TMCC3: variants seen among roughly 807,000 people sequenced by gnomAD.
TMCC3 encodes transmembrane and coiled-coil domain family 3, also known as transmembrane and coiled-coil domain protein 3.
Under a neutral mutation model 40.2 loss-of-function variants are expected in TMCC3, and 28 were observed. That is an observed-to-expected ratio of 0.70 (90% CI 0.52 to 0.95). The LOEUF is 0.95. Among genes scored for constraint, TMCC3 ranks in the 40% least tolerant of loss-of-function variants. The pLI, the probability that TMCC3 is intolerant of heterozygous loss-of-function variation, is 0.00. For synonymous variants in TMCC3, 255 were observed against 248.5 expected, an observed-to-expected ratio of 1.03 and a Z score of -0.25; for missense variants, 554 against 615.2, an observed-to-expected ratio of 0.90 and a Z score of 1.05.
At chr12:94,586,370 G>A (rs920361406) in intron 1 of TMCC3, among the ~76,000 whole-genome samples, 3 of 152,176 alleles carry the variant, frequency 2.0e-5, no homozygotes, top group Non-Finnish European at 2.9e-5. Context: ...CAATCTCAAC[G>A]ACATCACCTC....
At chr12:94,577,127 C>G (rs891858625) in intron 3 of TMCC3, among the ~76,000 whole-genome samples, 4 of 152,144 alleles carry the variant, frequency 2.6e-5, no homozygotes, top group Admixed American at 1.3e-4. Flanking sequence ...GTATTGAGCA[C>G]ACAGTATGTA....
At chr12:94,633,803 C>T (rs540388319) in intron 1 of TMCC3, among the ~76,000 whole-genome samples, 3 of 152,226 alleles carry the variant, frequency 2.0e-5, no homozygotes, top group African/African-American at 4.8e-5. Context: ...GAATTATTCA[C>T]TAACAGTTCG....
chr12:94,625,142 C>CAAAAAAA (rs35584074), intron 1 of TMCC3, among the ~76,000 whole-genome samples: 9 of 117,344 alleles, frequency 7.7e-5, no homozygotes, highest in African/African-American at 3.0e-4. Flanking sequence ...AACTCCATCT[C>CAAAAAAA]AAAAAAAAAA....
In TMCC3 at chr12:94,567,189, T is replaced by C. The variant is rs2068499791; in HGVS notation, c.*4246A>G. The stretch of plus-strand genomic sequence containing the variant: ...AACATCAAGTGTTTATTTAAAAAAA[T>C]AATGGCACCTGCTTTGGATTCATTG... On this transcript the variant is annotated 3_prime_UTR_variant, in exon 4 of 4. Coordinates refer to ENST00000261226, the MANE Select transcript of TMCC3 (RefSeq NM_020698.4). 6.6e-6 allele frequency: 1 copy of C among 152,216 alleles called. No homozygotes were observed. The highest frequency in any genetic ancestry group is 1.5e-5 in the Non-Finnish European group (1 of 68,048). 9.4% of individuals were successfully genotyped at this position (152,216 alleles called of 1,614,324 possible).
intron 1 of TMCC3, among the ~76,000 whole-genome samples, chr12:94,646,389 TA>T (rs1489168296): frequency 2.0e-5 from 3 of 149,872 alleles, no homozygotes; most frequent in Non-Finnish European, 4.4e-5. Flanking sequence ...AACATAAATT[TA>T]AAAAAATTTT....
intron 1 of TMCC3, among the ~76,000 whole-genome samples, chr12:94,585,698 A>AAACG (rs149593466): frequency 6.6e-6 from 1 of 151,808 alleles, no homozygotes; most frequent in Non-Finnish European, 1.5e-5. Context: ...ACAAACAAAC[A>AAACG]AACAAACAAA....
intron 1 of TMCC3, among the ~76,000 whole-genome samples, chr12:94,585,167 T>C (rs1203207403): frequency 6.6e-6 from 1 of 152,104 alleles, no homozygotes; most frequent in African/African-American, 2.4e-5. Context: ...CTAAATGAAA[T>C]AATATAACCT....
At chr12:94,592,579 GGCTGCAGTAAGCCAAGATTGCGCC>G (rs57891110) in intron 1 of TMCC3, among the ~76,000 whole-genome samples, 59,989 of 104,032 alleles carry the variant, frequency 0.58, 15,034 homozygotes, top group African/African-American at 0.71. Context: ...CGGAGGCAGA[GGCTGCAGTAAGCCAAGATTGCGCC>G]GCTGCAGTAA....
chr12:94,621,941 G>A (rs753390709), intron 1 of TMCC3, among the ~76,000 whole-genome samples: 2 of 152,082 alleles, frequency 1.3e-5, no homozygotes, highest in Non-Finnish European at 2.9e-5. Flanking sequence ...ACCTGCCCTC[G>A]GAATTCTTTC....
In TMCC3 at chr12:94,581,918, C is replaced by T. The variant is rs1594268359; in HGVS notation, c.699G>A (p.Glu233=). Residue 233 remains glutamate (E), a synonymous_variant, in exon 2 of 4, where the codon GAG becomes GAA. Transcript: ENST00000261226. ...LKNSLEEFRP[E]ASARAYGGSA... Reference sequence around the variant, plus strand: ...TGCCCCCGTAGGCCCTGGCACTCGCCTCTGGCCTAAACTCCTCTAAGGAAT... The same window carrying T: ...TGCCCCCGTAGGCCCTGGCACTCGCTTCTGGCCTAAACTCCTCTAAGGAAT... 2 of 1,614,258 alleles carry T rather than the reference C, an allele frequency of 1.2e-6. No homozygotes were observed. The highest frequency in any genetic ancestry group is 4.5e-5 in the East Asian group (2 of 44,892).
At position 94,627,354 on chromosome 12, in the gene TMCC3, C is replaced by T. The variant is rs569127247; in HGVS notation, c.78+22999G>A. Among the ~76,000 whole-genome samples the T allele has an allele frequency of 3.9e-5, 6 of 152,336 alleles. No homozygotes were observed. The South Asian group carries it at 1.2e-3, about 32-fold the overall frequency. On this transcript the variant is annotated intron_variant, in intron 1 of 3. Transcript: ENST00000261226. ...CACAGCCTGCATTTAGAAGACCTGA[C>T]CGCTTCTCATCACCTCCACTATCAA...
chr12:94,572,053 G>T (rs750554185), intron 3 of TMCC3, among the ~76,000 whole-genome samples: 1 of 152,170 alleles, frequency 6.6e-6, no homozygotes, highest in African/African-American at 2.4e-5. Context: ...AGGCTGGAGT[G>T]CAGTGGTGCG....
At chr12:94,617,440 G>A (rs1019529763) in intron 1 of TMCC3, among the ~76,000 whole-genome samples, 12 of 152,174 alleles carry the variant, frequency 7.9e-5, no homozygotes, top group African/African-American at 2.9e-4. Flanking sequence ...GGGATTTAAT[G>A]AAATCAGAAA....
chr12:94,578,634 C>A lies in TMCC3; in HGVS notation c.996-105G>T. 4.8e-6 allele frequency: 6 copies of A among 1,249,850 alleles called. No individual in the cohort carries two copies. In the South Asian group the frequency reaches 7.6e-5, roughly 16 times the overall value. The allele number at this position is 1,249,850 out of a possible 1,614,324, so 77.4% of individuals were successfully genotyped here. ...CAGTACCTTTTGGCTTGCTCTCATT[C>A]CCTGATGGGCTGTTTTTCTAAAAGA... On this transcript the variant is annotated intron_variant, in intron 2 of 3. Coordinates refer to ENST00000261226, the MANE Select transcript of TMCC3 (RefSeq NM_020698.4).
chr12:94,606,848 A>T (rs2068786582), intron 1 of TMCC3, among the ~76,000 whole-genome samples: 1 of 152,212 alleles, frequency 6.6e-6, no homozygotes, highest in Non-Finnish European at 1.5e-5. Context: ...AGAATTACTG[A>T]TGAGGGTCTA....
intron 1 of TMCC3, among the ~76,000 whole-genome samples, chr12:94,649,849 A>C (rs985496452): frequency 6.6e-6 from 1 of 152,258 alleles, no homozygotes; most frequent in Non-Finnish European, 1.5e-5. Flanking sequence ...ACTTGGGCAG[A>C]GCCCGTCCGC....
intron 2 of TMCC3, among the ~76,000 whole-genome samples, chr12:94,580,593 G>A (rs533266469): frequency 6.6e-6 from 1 of 152,212 alleles, no homozygotes; most frequent in African/African-American, 2.4e-5. Context: ...AAATTAGCTG[G>A]GCGTGGTGGT....
chr12:94,574,304 C>A (rs1408010556), intron 3 of TMCC3, among the ~76,000 whole-genome samples: 2 of 151,764 alleles, frequency 1.3e-5, no homozygotes, highest in African/African-American at 4.8e-5. Context: ...AGGAGAATCA[C>A]TTGAACCCAG....
chr12:94,635,176 C>T (rs963489259), intron 1 of TMCC3, among the ~76,000 whole-genome samples: 2 of 152,202 alleles, frequency 1.3e-5, no homozygotes, highest in Non-Finnish European at 2.9e-5. Context: ...TTGTTATATT[C>T]GCCATCCTAA....
Sources: allele counts gnomAD v4.1 joint callset (sites outside exome capture counted in the v4.1 genomes callset), GRCh38; gene constraint gnomAD v4.1.1; transcripts MANE v1.5; gene names NCBI Gene and HGNC (gene_info 2026-07-23, HGNC 2026-07-21).